Variants in RTN1 observed in about 807,000 individuals in gnomAD.
RTN1 encodes the protein reticulon 1.
In RTN1, 25 loss-of-function variants were observed where a neutral mutation model predicts 65.5. The observed-to-expected ratio is 0.38, with a 90% CI of 0.28 to 0.53. The LOEUF (loss-of-function observed/expected upper bound fraction) is 0.53. Among genes scored for constraint, RTN1 ranks in the 20% least tolerant of loss-of-function variants. The probability of loss-of-function intolerance (pLI) is 0.79; values close to 1 mark genes in which losing one functional copy is unlikely to be tolerated. For synonymous variants in RTN1, 471 were observed against 447.6 expected (o/e 1.05, Z -0.66); for missense variants, 983 against 1,025.4 (o/e 0.96, Z 0.57).
chr14:59,695,170 G>T (rs754030246), intron 3 of RTN1, among the ~76,000 whole-genome samples: 2 of 152,136 alleles, frequency 1.3e-5, no homozygotes, highest in African/African-American at 4.8e-5. Context: ...AGGTAGTGAG[G>T]TGGTGGGCAG....
At chr14:59,784,047 T>C (rs1197199930) in intron 1 of RTN1, among the ~76,000 whole-genome samples, 1 of 152,210 alleles carries the variant, frequency 6.6e-6, no homozygotes, top group African/African-American at 2.4e-5. Flanking sequence ...TCATATCCTT[T>C]GCAAAGTTTC....
intron 1 of RTN1, among the ~76,000 whole-genome samples, chr14:59,769,986 T>C (rs1452229968): frequency 6.6e-6 from 1 of 152,132 alleles, no homozygotes; most frequent in Non-Finnish European, 1.5e-5. Context: ...AGCAAAGCCA[T>C]GGGAAGTCTG....
At chr14:59,683,529 T>C (rs1331207177) in intron 3 of RTN1, among the ~76,000 whole-genome samples, 1 of 152,132 alleles carries the variant, frequency 6.6e-6, no homozygotes, top group East Asian at 1.9e-4. Context: ...CTAAGATCCA[T>C]TCACTGTAGA....
chr14:59,833,824 G>C (rs528215567), intron 1 of RTN1, among the ~76,000 whole-genome samples: 11 of 152,302 alleles, frequency 7.2e-5, no homozygotes, highest in African/African-American at 2.6e-4. Context: ...AGGTCACACA[G>C]TCATTTTACT....
intron 3 of RTN1, among the ~76,000 whole-genome samples, chr14:59,668,863 G>A (rs1044976921): frequency 1.1e-4 from 17 of 152,076 alleles, no homozygotes; most frequent in African/African-American, 3.4e-4. Flanking sequence ...AATGCTCATC[G>A]TCACTGGTGA....
chr14:59,819,442 C>T lies in RTN1; in HGVS notation c.241+50948G>A, dbSNP rs1566737556. ...CCCCCCCCACCCCCCACCCCCCCCC[C>T]CCGGCCACAGCTAGACACAGAGTAC... On this transcript the variant is annotated intron_variant, in intron 1 of 8. Transcript: ENST00000267484. 3.0e-4 allele frequency among the ~76,000 whole-genome samples: 15 copies of T among 49,722 alleles called. No individual in the cohort carries two copies. The South Asian group carries it at 8.8e-3, about 29-fold the overall frequency. The allele number at this position is 49,722 out of a possible 152,430, so 32.6% of individuals were successfully genotyped here.
intron 3 of RTN1, among the ~76,000 whole-genome samples, chr14:59,661,984 T>C (rs887147945): frequency 2.0e-5 from 3 of 152,188 alleles, no homozygotes; most frequent in Non-Finnish European, 4.4e-5. Flanking sequence ...GATGACATGA[T>C]TGTATATTTA....
At chr14:59,710,399 C>T (rs1884393363) in intron 3 of RTN1, among the ~76,000 whole-genome samples, 1 of 152,190 alleles carries the variant, frequency 6.6e-6, no homozygotes, top group South Asian at 2.1e-4. Context: ...GCATTCCAAG[C>T]TTGACATAAA....
chr14:59,845,291 T>C (rs12434782), intron 1 of RTN1, among the ~76,000 whole-genome samples: 39,495 of 152,156 alleles, frequency 0.26, 5,344 homozygotes, highest in East Asian at 0.49. Flanking sequence ...ACATTTGCAA[T>C]GGAGTGCTAT....
chr14:59,834,899 G>A (rs747195251), intron 1 of RTN1, among the ~76,000 whole-genome samples: 8 of 152,174 alleles, frequency 5.3e-5, no homozygotes, highest in Non-Finnish European at 1.0e-4. Context: ...TTGTATACTG[G>A]TGGGAATGTG....
chr14:59,837,232 A>G (rs1594761618), intron 1 of RTN1, among the ~76,000 whole-genome samples: 1 of 152,262 alleles, frequency 6.6e-6, no homozygotes, highest in South Asian at 2.1e-4. Context: ...ATAATAAATA[A>G]TTAGTAAATG....
In RTN1 at chr14:59,819,472, C is replaced by T. The variant is rs138529108; in HGVS notation, c.241+50918G>A. Among the ~76,000 whole-genome samples, 313 of 126,526 alleles carry T rather than the reference C, an allele frequency of 2.5e-3. 5 individuals are homozygous for T. The East Asian group carries it at 0.044, about 18-fold the overall frequency. The allele number at this position is 126,526 out of a possible 152,430, so 83.0% of individuals were successfully genotyped here. A position where few individuals can be genotyped will look rare whatever the true frequency, so the allele number is the denominator to read the frequency against. ...CCACAGCTAGACACAGAGTACAATC[C>T]TCCAGCTAGACATAAAAGTTCTCCA... On this transcript the variant is annotated intron_variant, in intron 1 of 8. Coordinates refer to ENST00000267484, the MANE Select transcript of RTN1 (RefSeq NM_021136.3).
chr14:59,748,100 C>T (rs1885265461), intron 1 of RTN1, among the ~76,000 whole-genome samples: 1 of 151,834 alleles, frequency 6.6e-6, no homozygotes. Flanking sequence ...AAATAACTCA[C>T]CTAAGATCTT....
At chr14:59,755,080 G>A (rs1226096095) in intron 1 of RTN1, among the ~76,000 whole-genome samples, 8 of 152,124 alleles carry the variant, frequency 5.3e-5, no homozygotes, top group African/African-American at 1.7e-4. Flanking sequence ...ACTCGCTAGG[G>A]TTGAGATAAG....
intron 3 of RTN1, among the ~76,000 whole-genome samples, chr14:59,712,912 CAAA>C (rs34371436): frequency 9.9e-5 from 11 of 111,350 alleles, no homozygotes; most frequent in Admixed American, 2.7e-4. Context: ...AACTCCATCT[CAAA>C]AAAAAAAAAA....
chr14:59,754,259 T>A (rs1885588373), intron 1 of RTN1, among the ~76,000 whole-genome samples: 1 of 152,220 alleles, frequency 6.6e-6, no homozygotes, highest in Admixed American at 6.5e-5. Context: ...GAAACACTCA[T>A]CATGAGGCAG....
At chr14:59,608,922 A>T (rs1032991784) in intron 3 of RTN1, among the ~76,000 whole-genome samples, 3 of 152,130 alleles carry the variant, frequency 2.0e-5, no homozygotes, top group South Asian at 2.1e-4. Context: ...AAATAAAAAA[A>T]AAGTACTGTG....
intron 3 of RTN1, among the ~76,000 whole-genome samples, chr14:59,683,872 G>A (rs1159371838): frequency 6.6e-6 from 1 of 152,050 alleles, no homozygotes; most frequent in Admixed American, 6.5e-5. Flanking sequence ...GCCAACGCCA[G>A]CTCTCTTCAC....
chr14:59,810,717 G>A (rs1886713854), intron 1 of RTN1, among the ~76,000 whole-genome samples: 1 of 152,210 alleles, frequency 6.6e-6, no homozygotes, highest in African/African-American at 2.4e-5. Flanking sequence ...AGGAAGTGAT[G>A]ATATCTGAAC....
Sources: gnomAD v4.1 joint callset for allele counts (sites outside exome capture counted in the v4.1 genomes callset) on GRCh38, gnomAD v4.1.1 for gene constraint, MANE v1.5 for transcripts, NCBI Gene and HGNC (gene_info 2026-07-23, HGNC 2026-07-21) for gene names.